TMEM87B: variants seen among roughly 807,000 people sequenced by gnomAD.
The protein encoded by TMEM87B is transmembrane protein 87B.
Under a neutral mutation model 80.3 loss-of-function variants are expected in TMEM87B, and 83 were observed. The observed-to-expected ratio is 1.03, with a 90% CI of 0.87 to 1.24. TMEM87B has a LOEUF of 1.24. Ranked by LOEUF, TMEM87B falls within the 50% of genes most tolerant of loss-of-function variation. The pLI is 0.00. For synonymous variants in TMEM87B, 219 were observed against 230.5 expected, an observed-to-expected ratio of 0.95 and a Z score of 0.45; for missense variants, 625 against 674.4, an observed-to-expected ratio of 0.93 and a Z score of 0.81.
At chr2:112,080,716 A>G (rs908070333) in intron 6 of TMEM87B, among the ~76,000 whole-genome samples, 1 of 152,158 alleles carries the variant, frequency 6.6e-6, no homozygotes, top group Admixed American at 6.5e-5. Context: ...CCTTTGTGCA[A>G]AGAAGCTTTT....
intron 17 of TMEM87B, 105 bp from the exon 18 acceptor site, chr2:112,112,794 G>A: frequency 9.5e-7 from 1 of 1,050,968 alleles, no homozygotes; most frequent in Non-Finnish European, 1.4e-6. Context: ...TGGATACCCA[G>A]GAGTGAGAAT....
chr2:112,107,714 A>C, intron 16 of TMEM87B, 74 bp from the exon 17 acceptor site: 11 of 704,018 alleles, frequency 1.6e-5, no homozygotes, highest in Non-Finnish European at 2.3e-5. Flanking sequence ...CACTTAAGTT[A>C]TATATATATT....
intron 4 of TMEM87B, among the ~76,000 whole-genome samples, chr2:112,069,496 G>A (rs955670730): frequency 1.8e-4 from 28 of 152,144 alleles, no homozygotes; most frequent in African/African-American, 5.6e-4. Context: ...CAAAGGACAC[G>A]ATCTCCTTTT....
At chr2:112,098,841 CA>C (rs1452844957) in intron 14 of TMEM87B, 143 bp downstream of exon 14, 7 of 721,316 alleles carry the variant, frequency 9.7e-6, no homozygotes, top group Non-Finnish European at 1.6e-5. Flanking sequence ...AAAACAAATG[CA>C]AGACAGTGAA....
At chr2:112,106,259 A>G (rs1027649591) in intron 16 of TMEM87B, among the ~76,000 whole-genome samples, 184 bp downstream of exon 16, 1 of 152,204 alleles carries the variant, frequency 6.6e-6, no homozygotes, top group Admixed American at 6.5e-5. Flanking sequence ...CATAACTGAA[A>G]TACCTTCATT....
chr2:112,082,103 C>T (rs1679015579), intron 8 of TMEM87B, among the ~76,000 whole-genome samples: 1 of 152,164 alleles, frequency 6.6e-6, no homozygotes, highest in Non-Finnish European at 1.5e-5. Context: ...CCCCAGACTT[C>T]TAGAAAGTGG....
At chr2:112,065,045 A>T (rs1196782939) in intron 3 of TMEM87B, among the ~76,000 whole-genome samples, 2 of 152,038 alleles carry the variant, frequency 1.3e-5, no homozygotes, top group African/African-American at 4.8e-5. Flanking sequence ...TCCAGCCCTG[A>T]ACTCCTGGAC....
chr2:112,075,668 T>TAAG (rs542889340), intron 5 of TMEM87B, among the ~76,000 whole-genome samples: 86 of 152,148 alleles, frequency 5.7e-4, no homozygotes, highest in Middle Eastern at 3.4e-3. Flanking sequence ...GAAGACTGAG[T>TAAG]AAGAGGTCGA....
chr2:112,117,931 G>GGT lies in TMEM87B; in HGVS notation c.*1789_*1790insTG. 1 of 152,116 alleles carries GGT rather than the reference G, an allele frequency of 6.6e-6. No individual in the cohort carries two copies. The highest frequency in any genetic ancestry group is 6.5e-5 in the Admixed American group (1 of 15,274). 9.4% of individuals were successfully genotyped at this position (152,116 alleles called of 1,614,324 possible). On this transcript the variant is annotated 3_prime_UTR_variant, in exon 19 of 19. Coordinates refer to ENST00000283206, the MANE Select transcript of TMEM87B (RefSeq NM_032824.3). Reference sequence around the variant, plus strand: ...TGCAAATCTGGTAGAGTGGGAGTGTGGAGTTAATGGTGAGTATGTTAATAA... The same window carrying GGT: ...TGCAAATCTGGTAGAGTGGGAGTGTGGTGAGTTAATGGTGAGTATGTTAATAA...
chr2:112,105,885 CA>C lies in TMEM87B; in HGVS notation c.1451-116del, dbSNP rs1019440785. 1.6e-5 allele frequency: 10 copies of C among 635,162 alleles called. 1 individual carries two copies. In the Admixed American group the frequency reaches 3.4e-4, roughly 22 times the overall value. The allele number at this position is 635,162 out of a possible 1,614,324, so 39.3% of individuals were successfully genotyped here. On this transcript the variant is annotated intron_variant, in intron 15 of 18. Coordinates refer to ENST00000283206, the MANE Select transcript of TMEM87B (RefSeq NM_032824.3). ...AATCCAGCATCCTGCCTAAAGTTTC[CA>C]TTATTAACCCTCCATTTCTAAAAAG... is the stretch of plus-strand genomic sequence containing the variant.
intron 13 of TMEM87B, among the ~76,000 whole-genome samples, chr2:112,097,777 A>T (rs1679515796): frequency 6.6e-6 from 1 of 151,622 alleles, no homozygotes; most frequent in Admixed American, 6.6e-5. Context: ...AGTTCCTCCG[A>T]AATCTCCTTT....
At chr2:112,108,004 A>C (rs1213979211) in intron 17 of TMEM87B, among the ~76,000 whole-genome samples, 164 bp downstream of exon 17, 1 of 152,134 alleles carries the variant, frequency 6.6e-6, no homozygotes, top group African/African-American at 2.4e-5. Flanking sequence ...AGAAAACAAA[A>C]CCCTGGCTTG....
chr2:112,104,655 A>G (rs922050086), intron 15 of TMEM87B, among the ~76,000 whole-genome samples: 1 of 152,198 alleles, frequency 6.6e-6, no homozygotes, highest in Non-Finnish European at 1.5e-5. Context: ...TTAGAAAGCA[A>G]TGTGACAGCT....
intron 4 of TMEM87B, among the ~76,000 whole-genome samples, chr2:112,069,604 C>T (rs557658508): frequency 5.9e-5 from 9 of 152,236 alleles, no homozygotes; most frequent in East Asian, 1.9e-4. Context: ...TCTTTGGCAA[C>T]GTGAATGGTG....
intron 3 of TMEM87B, among the ~76,000 whole-genome samples, chr2:112,065,634 C>A (rs1357763951): frequency 7.3e-6 from 1 of 136,634 alleles, no homozygotes; most frequent in African/African-American, 3.0e-5. Context: ...GACAGTGAGA[C>A]CTTGTCTTCA....
At chr2:112,067,712 CTTCT>C (rs1558830492) in intron 4 of TMEM87B, among the ~76,000 whole-genome samples, 2 of 152,196 alleles carry the variant, frequency 1.3e-5, no homozygotes, top group African/African-American at 4.8e-5. Context: ...CTCACTCTTC[CTTCT>C]GTCAACTGCA....
At chr2:112,099,128 A>G (rs1364938018) in intron 14 of TMEM87B, among the ~76,000 whole-genome samples, 2 of 152,216 alleles carry the variant, frequency 1.3e-5, no homozygotes, top group African/African-American at 2.4e-5. Flanking sequence ...TTGAGTGTCA[A>G]GTTCAGAAAG....
At chr2:112,060,119 A>G in intron 2 of TMEM87B, 82 bp downstream of exon 2, 5 of 1,354,536 alleles carry the variant, frequency 3.7e-6, no homozygotes, top group South Asian at 3.2e-5. Context: ...AGGCCGAGGC[A>G]GGTGGATCAC....
At chr2:112,078,658 T>G (rs552581289) in intron 6 of TMEM87B, among the ~76,000 whole-genome samples, 38 of 152,334 alleles carry the variant, frequency 2.5e-4, no homozygotes, top group Middle Eastern at 3.4e-3. Flanking sequence ...TTGTGTCTTT[T>G]CCCCTGACAC....
Sources: allele counts gnomAD v4.1 joint callset (sites outside exome capture counted in the v4.1 genomes callset), GRCh38; gene constraint gnomAD v4.1.1; transcripts MANE v1.5; gene names NCBI Gene and HGNC (gene_info 2026-07-23, HGNC 2026-07-21).